MED24: variants seen among roughly 807,000 people sequenced by gnomAD.
MED24 encodes the protein mediator of RNA polymerase II transcription subunit 24.
MED24 carries 74 observed loss-of-function variants against 118.8 expected under a neutral mutation model. The ratio of observed to expected loss-of-function variants is 0.62; its 90% confidence interval spans 0.52 to 0.76. The LOEUF is 0.76. Ranked by LOEUF, MED24 falls within the 30% of genes least tolerant of loss-of-function variation. MED24 has a pLI of 0.00. For synonymous variants in MED24, 521 were observed against 523.9 expected, an observed-to-expected ratio of 0.99 and a Z score of 0.08; for missense variants, 1,041 against 1,278.9, an observed-to-expected ratio of 0.81 and a Z score of 2.84.
At chr17:40,032,860 A>G in intron 8 of MED24, 98 bp from the exon 9 acceptor site, 34 of 1,343,438 alleles carry the variant, frequency 2.5e-5, no homozygotes, top group Non-Finnish European at 3.4e-5. Context: ...ACTGCATGGC[A>G]GAGTCACTGC....
Position 40,026,210 on chromosome 17 carries a change from C to T in MED24, c.1931G>A (p.Arg644His), listed in dbSNP as rs1878814796. 1.9e-6 allele frequency: 3 copies of T among 1,614,210 alleles called. No individual in the cohort carries two copies. The highest frequency in any genetic ancestry group is 2.2e-5 in the East Asian group (1 of 44,886). The change falls in exon 19 of 26, where the codon CGC (arginine) becomes CAC (histidine). Residue 644 changes from arginine to histidine, a missense_variant. Coordinates refer to ENST00000394128, the MANE Select transcript of MED24 (RefSeq NM_014815.4). Reference protein sequence around the residue: ...DEREKSLQMIRQLAGPLFSEN... With the variant: ...DEREKSLQMIHQLAGPLFSEN... ...ACTAAACAGTGGCCCTGCCAGCTGG[C>T]GGATCATCTGCAGCGACTTCTCACG...
chr17:40,034,983 G>GA (rs748660955), intron 6 of MED24, 134 bp downstream of exon 6: 13 of 1,607,036 alleles, frequency 8.1e-6, no homozygotes, highest in East Asian at 2.2e-5. Flanking sequence ...CTTATGGGGA[G>GA]AAAAAAAAGG....
chr17:40,034,461 G>C (rs905097060), intron 6 of MED24, among the ~76,000 whole-genome samples: 3 of 152,160 alleles, frequency 2.0e-5, no homozygotes, highest in African/African-American at 7.2e-5. Context: ...CCTGTAGGTG[G>C]TCCCAAGCCA....
At chr17:40,021,921 A>C in intron 23 of MED24, 34 bp downstream of exon 23, 1 of 1,468,210 alleles carries the variant, frequency 6.8e-7, no homozygotes, top group Non-Finnish European at 9.3e-7. Flanking sequence ...ATTCCCAGGA[A>C]AAGGAGCGGC....
chr17:40,035,083 G>A (rs200314558), intron 6 of MED24, 34 bp downstream of exon 6: 10 of 1,611,150 alleles, frequency 6.2e-6, no homozygotes, highest in African/African-American at 1.3e-5. Context: ...TGGGAGCAGC[G>A]GCAGGTGGGG....
intron 3 of MED24, among the ~76,000 whole-genome samples, chr17:40,048,520 T>C (rs1439404028): frequency 3.3e-5 from 5 of 152,148 alleles, no homozygotes; most frequent in East Asian, 3.9e-4. Context: ...AAAAGATCTA[T>C]TCAAGGTGCA....
At chr17:40,050,567 G>C (rs72834793) in intron 3 of MED24, among the ~76,000 whole-genome samples, 2,881 of 152,018 alleles carry the variant, frequency 0.019, 47 homozygotes, top group Non-Finnish European at 0.03. Context: ...AGTGAGCTGA[G>C]ATCAGCCATT....
At chr17:40,052,224 C>T (rs1263446648) in intron 3 of MED24, among the ~76,000 whole-genome samples, 1 of 152,072 alleles carries the variant, frequency 6.6e-6, no homozygotes. Context: ...ACCCGGGAAA[C>T]GGAGGTTGCA....
At chr17:40,036,686 C>CAAAAAAA (rs68118020) in intron 3 of MED24, among the ~76,000 whole-genome samples, 1 of 91,412 alleles carries the variant, frequency 1.1e-5, no homozygotes, top group African/African-American at 4.3e-5. Flanking sequence ...GACTCTGTCT[C>CAAAAAAA]AAAAAAAAAA....
At chr17:40,027,502 G>A in intron 15 of MED24, 37 bp from the exon 16 acceptor site, 1 of 1,578,244 alleles carries the variant, frequency 6.3e-7, no homozygotes, top group Non-Finnish European at 8.6e-7. Flanking sequence ...CCCAGACGAG[G>A]GCAGGGGGGA....
Position 40,033,019 on chromosome 17 carries a change from T to G in MED24, c.822+37A>C, listed in dbSNP as rs765041486. 6.2e-7 allele frequency: 1 copy of G among 1,610,870 alleles called. No homozygotes were observed. Among genetic ancestry groups the G allele is most frequent in the African/African-American group, 1.3e-5 (1 of 74,976 alleles). On this transcript the variant is annotated intron_variant, in intron 8 of 25. Transcript: ENST00000394128. This position sits in a 1 kb window ranked among gnomAD's most constrained non-coding sequence, Gnocchi z 5.2. ...CCCTCCTGCCCCCAACAGGCTGGCC[T>G]GCCTTGGAGAAGGGAGAGCCACTCG...
At position 40,033,440 on chromosome 17, in the gene MED24, G is replaced by A. The variant is rs149315506; in HGVS notation, c.576C>T (p.Ile192=). The change falls in exon 7 of 26, where the codon ATC becomes ATT. Residue 192 remains isoleucine (I), a synonymous_variant. Transcript: ENST00000394128. This position sits in a 1 kb window ranked among gnomAD's most constrained non-coding sequence, Gnocchi z 5.2. The part of the protein sequence containing the change: ...KLEEASSWTA[I]EHSLLKLGEI... ...CTCCAAGTTTCAAGAGAGAATGCTC[G>A]ATGGCAGTCCAAGAAGCTGGCAGAG... 1.6e-5 allele frequency: 25 copies of A among 1,596,984 alleles called. No homozygotes were observed. Among genetic ancestry groups the A allele is most frequent in the Middle Eastern group, 1.7e-4 (1 of 6,056 alleles).
intron 14 of MED24, among the ~76,000 whole-genome samples, chr17:40,028,258 G>A (rs1408253473): frequency 2.0e-5 from 3 of 151,930 alleles, no homozygotes; most frequent in Admixed American, 6.6e-5. Flanking sequence ...GATTACAGGT[G>A]CCCGCCACCA....
Position 40,026,840 on chromosome 17 carries a change from C to T in MED24, c.1709+16G>A, listed in dbSNP as rs376105540. ...CCCCCACCGCCACCCTTGGAGTGGG[C>T]GCCCGGGCCACTGACACTAGCTTCA... On this transcript the variant is annotated intron_variant, in intron 17 of 25. Coordinates refer to ENST00000394128, the MANE Select transcript of MED24 (RefSeq NM_014815.4). 7.5e-6 allele frequency: 12 copies of T among 1,609,974 alleles called. No individual in the cohort carries two copies. The highest frequency in any genetic ancestry group is 2.2e-5 in the South Asian group (2 of 90,932).
intron 3 of MED24, among the ~76,000 whole-genome samples, chr17:40,039,595 T>C (rs1568169844): frequency 6.6e-6 from 1 of 152,122 alleles, no homozygotes; most frequent in Non-Finnish European, 1.5e-5. Context: ...TCAGCCTCTT[T>C]CTCTTTCTTC....
intron 5 of MED24, among the ~76,000 whole-genome samples, 154 bp from the exon 6 acceptor site, chr17:40,035,503 C>T (rs1983830377): frequency 6.6e-6 from 1 of 152,130 alleles, no homozygotes; most frequent in Non-Finnish European, 1.5e-5. Flanking sequence ...CCTTTGGCTC[C>T]TACTGGACAA....
In MED24 at chr17:40,026,845, G is replaced by T; in HGVS notation, c.1709+11C>A. ...ACCGCCACCCTTGGAGTGGGCGCCC[G>T]GGCCACTGACACTAGCTTCATCTCC... On this transcript the variant is annotated intron_variant, in intron 17 of 25. Coordinates refer to ENST00000394128, the MANE Select transcript of MED24 (RefSeq NM_014815.4). The T allele has an allele frequency of 1.9e-6, 3 of 1,611,440 alleles. No homozygotes were observed. The highest frequency in any genetic ancestry group is 2.5e-6 in the Non-Finnish European group (3 of 1,178,056).
rs1161428656 is a variant in MED24, at chr17:40,019,167, TACAC to T, written c.*358_*361del. On this transcript the variant is annotated 3_prime_UTR_variant, in exon 26 of 26. Transcript: ENST00000394128. ...TAGATTTCCCTCACATATTACAAAA[TACAC>T]ACAAACACACACACACACACACACA... The T allele has an allele frequency of 4.3e-5, 5 of 116,808 alleles. No individual in the cohort carries two copies. Among genetic ancestry groups the T allele is most frequent in the Non-Finnish European group, 8.8e-5 (5 of 56,676 alleles). The allele number at this position is 116,808 out of a possible 1,614,324, so 7.2% of individuals were successfully genotyped here. A position where few individuals can be genotyped will look rare whatever the true frequency, so the allele number is the denominator to read the frequency against.
chr17:40,050,877 C>T (rs941519028), intron 3 of MED24, among the ~76,000 whole-genome samples: 2 of 152,186 alleles, frequency 1.3e-5, no homozygotes, highest in African/African-American at 4.8e-5. Flanking sequence ...TGGCTCACGC[C>T]TATAATCCCA....
Sources: gnomAD v4.1 joint callset for allele counts (sites outside exome capture counted in the v4.1 genomes callset) on GRCh38, gnomAD v4.1.1 for gene constraint, Gnocchi (gnomAD v3.1) non-coding constraint, MANE v1.5 for transcripts, NCBI Gene and HGNC (gene_info 2026-07-23, HGNC 2026-07-21) for gene names.